Variants in PPP1R12A observed in about 807,000 individuals in gnomAD.
The protein encoded by PPP1R12A is protein phosphatase 1 regulatory subunit 12A.
In PPP1R12A, 19 loss-of-function variants were observed where a neutral mutation model predicts 139.6. The observed-to-expected ratio is 0.14, with a 90% confidence interval of 0.09 to 0.20. PPP1R12A has a LOEUF of 0.20. Among genes scored for constraint, PPP1R12A ranks in the 10% least tolerant of loss-of-function variants. PPP1R12A has a pLI of 1.00. For missense variants in PPP1R12A, 925 were observed against 1,211.5 expected, an observed-to-expected ratio of 0.76 and a Z score of 3.51; for synonymous variants, 427 against 420.6, an observed-to-expected ratio of 1.02 and a Z score of -0.19.
chr12:79,786,089 T>G (rs1327462538), intron 22 of PPP1R12A, among the ~76,000 whole-genome samples: 4 of 152,190 alleles, frequency 2.6e-5, no homozygotes, highest in Non-Finnish European at 5.9e-5. Flanking sequence ...TATAGATGCT[T>G]TTAATGTTTT....
rs1453015880 is a variant in PPP1R12A, at chr12:79,779,327, G to A, written c.2956-727C>T. 6 of 1,288,950 alleles carry A rather than the reference G, an allele frequency of 4.7e-6. No homozygotes were observed. In the African/African-American group the frequency reaches 9.1e-5, roughly 20 times the overall value. The allele number at this position is 1,288,950 out of a possible 1,614,324, so 79.8% of individuals were successfully genotyped here. On this transcript the variant is annotated intron_variant, in intron 23 of 24. Transcript: ENST00000450142. ...AAAACTGGTTAGGTCATACCGCCCA[G>A]AAGATACTGACTCTTGCCGGTCACC...
chr12:79,908,031 G>A (rs187424107), intron 1 of PPP1R12A, among the ~76,000 whole-genome samples: 29 of 152,162 alleles, frequency 1.9e-4, no homozygotes, highest in Non-Finnish European at 2.8e-4. Context: ...AAAATCAGAC[G>A]GCTTGCTACA....
At chr12:79,817,780 T>C (rs1382412245) in intron 8 of PPP1R12A, among the ~76,000 whole-genome samples, 1 of 152,212 alleles carries the variant, frequency 6.6e-6, no homozygotes, top group African/African-American at 2.4e-5. Flanking sequence ...CTGACTTCTG[T>C]ACTTTTAAAA....
chr12:79,816,108 G>C (rs1482076129), intron 9 of PPP1R12A, among the ~76,000 whole-genome samples: 1 of 152,026 alleles, frequency 6.6e-6, no homozygotes, highest in Non-Finnish European at 1.5e-5. Context: ...AAACCAATCA[G>C]TCCTTAAACT....
intron 2 of PPP1R12A, among the ~76,000 whole-genome samples, chr12:79,865,765 T>C (rs560030257): frequency 1.1e-4 from 17 of 152,252 alleles, no homozygotes; most frequent in African/African-American, 3.8e-4. Context: ...TTATAAGCGA[T>C]GTGAAGGACC....
At chr12:79,852,684 T>G (rs1880196108) in intron 2 of PPP1R12A, among the ~76,000 whole-genome samples, 1 of 152,096 alleles carries the variant, frequency 6.6e-6, no homozygotes, top group African/African-American at 2.4e-5. Flanking sequence ...ACACTACAGA[T>G]GGGGCAGCTT....
intron 18 of PPP1R12A, among the ~76,000 whole-genome samples, chr12:79,795,057 A>G (rs1872357290): frequency 1.3e-5 from 2 of 152,072 alleles, no homozygotes; most frequent in Non-Finnish European, 2.9e-5. Flanking sequence ...CTATTGTGCT[A>G]ATCCATTAAG....
At chr12:79,872,643 G>A (rs1204784042) in intron 2 of PPP1R12A, among the ~76,000 whole-genome samples, 165 bp downstream of exon 2, 2 of 152,166 alleles carry the variant, frequency 1.3e-5, no homozygotes, top group Non-Finnish European at 1.5e-5. Context: ...ATCTGATTCT[G>A]AGAATATATG....
intron 1 of PPP1R12A, among the ~76,000 whole-genome samples, chr12:79,902,406 T>C (rs1885728780): frequency 1.3e-5 from 2 of 152,174 alleles, no homozygotes; most frequent in African/African-American, 4.8e-5. Context: ...CCAATTTTTC[T>C]AGCAATTTTA....
chr12:79,892,484 A>T (rs1257213682), intron 1 of PPP1R12A, among the ~76,000 whole-genome samples: 1 of 152,202 alleles, frequency 6.6e-6, no homozygotes, highest in Non-Finnish European at 1.5e-5. Flanking sequence ...GGCAAATGGC[A>T]ATAATTTTTT....
chr12:79,834,617 T>A (rs74619474), intron 3 of PPP1R12A, among the ~76,000 whole-genome samples: 1 of 152,152 alleles, frequency 6.6e-6, no homozygotes, highest in Non-Finnish European at 1.5e-5. Flanking sequence ...GTCTGAGCAA[T>A]TGAAAAAATT....
chr12:79,840,433 T>C (rs144501180), intron 3 of PPP1R12A, among the ~76,000 whole-genome samples: 1 of 152,270 alleles, frequency 6.6e-6, no homozygotes, highest in South Asian at 2.1e-4. Flanking sequence ...TTTTCACATC[T>C]TTACATATCC....
intron 14 of PPP1R12A, among the ~76,000 whole-genome samples, 151 bp from the exon 15 acceptor site, chr12:79,798,735 T>C (rs1237995808): frequency 2.6e-5 from 4 of 152,176 alleles, no homozygotes; most frequent in African/African-American, 4.8e-5. Context: ...AATTCAATAA[T>C]GCAATCTTAT....
Position 79,797,277 on chromosome 12 carries a change from T to G in PPP1R12A, c.2210A>C (p.Lys737Thr). ...KEKEEKEKQD[K>T]EKQEEKKESE... The stretch of plus-strand genomic sequence containing the variant: ...CTCCTTCTTTTCTTCTTGTTTCTCT[T>G]TATCTTGTTTCTCTTTTTCCTCTTT... Residue 737 changes from lysine to threonine, a missense_variant, in exon 16 of 25, where the codon AAA becomes ACA. Lys to Thr is a moderately conservative substitution (Grantham distance 78). Coordinates refer to ENST00000450142, the MANE Select transcript of PPP1R12A (RefSeq NM_002480.3). The G allele has an allele frequency of 6.3e-7, 1 of 1,587,682 alleles. No individual in the cohort carries two copies. Among genetic ancestry groups the G allele is most frequent in the Middle Eastern group, 1.7e-4 (1 of 5,832 alleles).
intron 5 of PPP1R12A, among the ~76,000 whole-genome samples, chr12:79,826,337 GTTT>G (rs34658905): frequency 1.7e-5 from 2 of 117,190 alleles, no homozygotes; most frequent in African/African-American, 3.3e-5. Flanking sequence ...ATTGTTTCGG[GTTT>G]TTTTTTTTTT....
chr12:79,777,157 A>G, intron 24 of PPP1R12A: 1 of 743,068 alleles, frequency 1.3e-6, no homozygotes, highest in Non-Finnish European at 1.5e-6. Context: ...TTCAAAATAT[A>G]TTAATTATAT....
At position 79,804,067 on chromosome 12, in the gene PPP1R12A, TCA is replaced by T. The variant is rs1307904064; in HGVS notation, c.2000+1523_2000+1524del. Reference sequence around the variant, plus strand: ...TTAAAAATAATATAAATCAAACACCTCATTTAACAGAAGAGTTTCTGACTCAA... The same window carrying T: ...TTAAAAATAATATAAATCAAACACCTTTTAACAGAAGAGTTTCTGACTCAA... On this transcript the variant is annotated intron_variant, in intron 14 of 24. Coordinates refer to ENST00000450142, the MANE Select transcript of PPP1R12A (RefSeq NM_002480.3). 5.3e-5 allele frequency among the ~76,000 whole-genome samples: 8 copies of T among 152,164 alleles called. No homozygotes were observed. The South Asian group carries it at 8.3e-4, about 16-fold the overall frequency.
At chr12:79,779,088 T>C (rs1870097331) in intron 23 of PPP1R12A, 1 of 328,204 alleles carries the variant, frequency 3.0e-6, no homozygotes, top group Admixed American at 3.8e-5. Flanking sequence ...CAACTGACTT[T>C]ATAGCTTTGT....
chr12:79,850,789 C>A (rs891526573), intron 2 of PPP1R12A, among the ~76,000 whole-genome samples: 13 of 152,210 alleles, frequency 8.5e-5, no homozygotes, highest in Admixed American at 2.0e-4. Context: ...AGAGTTCTCA[C>A]GAGATATGGC....
Sources: allele counts gnomAD v4.1 joint callset (sites outside exome capture counted in the v4.1 genomes callset), GRCh38; gene constraint gnomAD v4.1.1; transcripts MANE v1.5; gene names NCBI Gene and HGNC (gene_info 2026-07-23, HGNC 2026-07-21).